The following SENP7 variants were observed in gnomAD, a reference collection of about 807,000 sequenced individuals.
The protein encoded by SENP7 is SUMO specific peptidase 7.
A neutral mutation model predicts 141.2 loss-of-function variants in SENP7; 64 were observed. The ratio of observed to expected loss-of-function variants is 0.45; its 90% CI spans 0.37 to 0.56. The LOEUF is 0.56. Among genes scored for constraint, SENP7 ranks in the 20% least tolerant of loss-of-function variants. The probability of loss-of-function intolerance (pLI) is 0.00; values close to 1 mark genes in which losing one functional copy is unlikely to be tolerated. For synonymous variants in SENP7, 382 were observed against 426.4 expected (o/e 0.90, Z 1.28); for missense variants, 1,025 against 1,212.2 (o/e 0.85, Z 2.29).
rs576036949 is a variant in SENP7, at chr3:101,482,679, C to T, written c.186+11194G>A. Among the ~76,000 whole-genome samples, 5 of 152,222 alleles carry T rather than the reference C, an allele frequency of 3.3e-5. No individual in the cohort carries two copies. The East Asian group carries it at 9.6e-4, about 29-fold the overall frequency. On this transcript the variant is annotated intron_variant, in intron 3 of 23. Coordinates refer to ENST00000394095, the MANE Select transcript of SENP7 (RefSeq NM_020654.5). ...AGACTTATTATAAAGCTACACTAAT[C>T]AAGAGAGTGTGGTATGGGTGAAAGA...
chr3:101,376,672 A>G (rs936394532), intron 6 of SENP7, among the ~76,000 whole-genome samples: 3 of 152,130 alleles, frequency 2.0e-5, no homozygotes, highest in Admixed American at 1.3e-4. Flanking sequence ...ATTAGGAGAT[A>G]CACCTAATGT....
intron 4 of SENP7, among the ~76,000 whole-genome samples, chr3:101,453,233 T>A (rs2063216374): frequency 6.6e-6 from 1 of 152,180 alleles, no homozygotes; most frequent in Admixed American, 6.5e-5. Context: ...CTGGAGAGAA[T>A]GTGGAGAAAC....
Position 101,366,422 on chromosome 3 carries a change from T to A in SENP7, c.1318+8A>T. The stretch of plus-strand genomic sequence containing the variant: ...ATTAAGTAACTTTATAATCCTCCTG[T>A]CACTTACTTGGTTCAGCTGAGATCA... On this transcript the variant is annotated splice_region_variant and intron_variant, in intron 9 of 23. Transcript: ENST00000394095. 9.1e-6 allele frequency: 14 copies of A among 1,537,908 alleles called. No homozygotes were observed. Among genetic ancestry groups the A allele is most frequent in the Non-Finnish European group, 1.2e-5 (14 of 1,134,468 alleles).
chr3:101,408,326 C>T (rs1052299789), intron 5 of SENP7, among the ~76,000 whole-genome samples: 7 of 152,102 alleles, frequency 4.6e-5, no homozygotes, highest in East Asian at 1.9e-4. Context: ...CAGGACCAGA[C>T]GGATTCACAG....
intron 5 of SENP7, among the ~76,000 whole-genome samples, chr3:101,408,727 G>A (rs10936609): frequency 0.4 from 60,399 of 151,854 alleles, 12,526 homozygotes; most frequent in Admixed American, 0.54. Context: ...AACAAAATCC[G>A]GCATCTCTTT....
chr3:101,390,341 CG>C (rs1292003454), intron 6 of SENP7, among the ~76,000 whole-genome samples: 2 of 120,450 alleles, frequency 1.7e-5, no homozygotes, highest in African/African-American at 6.1e-5. Context: ...ATACATTGAC[CG>C]AAAAAAAAAA....
At chr3:101,397,593 A>G (rs2061006742) in intron 6 of SENP7, among the ~76,000 whole-genome samples, 1 of 152,268 alleles carries the variant, frequency 6.6e-6, no homozygotes, top group African/African-American at 2.4e-5. Flanking sequence ...TTCACTAAGT[A>G]GAACCTAGGT....
At chr3:101,428,601 T>C (rs111611073) in intron 4 of SENP7, among the ~76,000 whole-genome samples, 1 of 152,226 alleles carries the variant, frequency 6.6e-6, no homozygotes, top group African/African-American at 2.4e-5. Flanking sequence ...ATATTAGCCC[T>C]TTGTCAGATG....
intron 3 of SENP7, among the ~76,000 whole-genome samples, chr3:101,461,827 A>G (rs1201099621): frequency 6.6e-6 from 1 of 152,226 alleles, no homozygotes; most frequent in African/African-American, 2.4e-5. Flanking sequence ...TTAGACCATA[A>G]AAAGAACTAA....
Position 101,493,996 on chromosome 3 carries a change from T to A in SENP7, c.91-28A>T, listed in dbSNP as rs61473551. ...GAAAATAGGATGAGAAAATAATTAG[T>A]TTAATTGAACTATATACAAGAGCTA... On this transcript the variant is annotated intron_variant, in intron 2 of 23. Transcript: ENST00000394095. 652 of 1,417,876 alleles carry A rather than the reference T, an allele frequency of 4.6e-4. 2 individuals are homozygous for A. In the African/African-American group the frequency reaches 7.9e-3, roughly 17 times the overall value. The allele number at this position is 1,417,876 out of a possible 1,614,324, so 87.8% of individuals were successfully genotyped here.
At position 101,503,688 on chromosome 3, in the gene SENP7, G is replaced by A. The variant is rs555265942; in HGVS notation, c.41-2569C>T. ...GGGCCAGGCATGGTGGCACATGCCTGTAATCCCAGCAGTTTGGGAGGCTGA... is the reference window on the plus strand; with the variant it reads ...GGGCCAGGCATGGTGGCACATGCCTATAATCCCAGCAGTTTGGGAGGCTGA... On this transcript the variant is annotated intron_variant, in intron 1 of 23. Coordinates refer to ENST00000394095, the MANE Select transcript of SENP7 (RefSeq NM_020654.5). Among the ~76,000 whole-genome samples, 4 of 152,356 alleles carry A rather than the reference G, an allele frequency of 2.6e-5. No individual in the cohort carries two copies. The East Asian group carries it at 7.7e-4, about 29-fold the overall frequency.
At chr3:101,475,843 C>T (rs755206173) in intron 3 of SENP7, among the ~76,000 whole-genome samples, 1 of 152,046 alleles carries the variant, frequency 6.6e-6, no homozygotes, top group Non-Finnish European at 1.5e-5. Context: ...TACAGGAGCA[C>T]TCAGATAAAT....
In SENP7 at chr3:101,331,083, A is replaced by C. The variant is rs552462688; in HGVS notation, c.2699-697T>G. 3.3e-5 allele frequency among the ~76,000 whole-genome samples: 5 copies of C among 151,476 alleles called. 1 individual carries two copies. Among genetic ancestry groups the C allele is most frequent in the African/African-American group, 1.2e-4 (5 of 41,366 alleles). On this transcript the variant is annotated intron_variant, in intron 19 of 23. Coordinates refer to ENST00000394095, the MANE Select transcript of SENP7 (RefSeq NM_020654.5). ...CAAGCATTGTCTGGAAATCAAAGGCATAAATTCCTAGTCATGTTAGCAAAC... is the reference window on the plus strand; with the variant it reads ...CAAGCATTGTCTGGAAATCAAAGGCCTAAATTCCTAGTCATGTTAGCAAAC...
intron 6 of SENP7, among the ~76,000 whole-genome samples, chr3:101,372,404 A>G (rs182304495): frequency 2.4e-4 from 37 of 152,300 alleles, no homozygotes; most frequent in Middle Eastern, 6.8e-3. Context: ...GAGTAATACT[A>G]TACAAGTATT....
intron 11 of SENP7, chr3:101,358,245 G>C (rs910858953): frequency 9.8e-7 from 1 of 1,016,276 alleles, no homozygotes; most frequent in African/African-American, 1.6e-5. Context: ...ACTCATACTA[G>C]AGAGAAACCT....
intron 5 of SENP7, among the ~76,000 whole-genome samples, chr3:101,407,787 G>A (rs557090364): frequency 1.5e-4 from 23 of 152,200 alleles, no homozygotes; most frequent in African/African-American, 2.9e-4. Context: ...CAGCAAAGGC[G>A]ATGCTAAGAG....
At chr3:101,468,733 G>A (rs549387548) in intron 3 of SENP7, among the ~76,000 whole-genome samples, 6 of 152,098 alleles carry the variant, frequency 3.9e-5, no homozygotes, top group South Asian at 2.1e-4. Flanking sequence ...AGAAACAACC[G>A]GTACCAACCA....
intron 3 of SENP7, among the ~76,000 whole-genome samples, chr3:101,484,938 C>T (rs985383126): frequency 7.9e-5 from 12 of 152,152 alleles, no homozygotes; most frequent in African/African-American, 2.4e-4. Context: ...GGACAGAGAC[C>T]GGCCCTTCAT....
chr3:101,374,382 A>T (rs566096446), intron 6 of SENP7, among the ~76,000 whole-genome samples: 1 of 152,338 alleles, frequency 6.6e-6, no homozygotes, highest in East Asian at 1.9e-4. Context: ...AATCTTTATG[A>T]CATTAGATTT....
Sources: allele counts gnomAD v4.1 joint callset (sites outside exome capture counted in the v4.1 genomes callset), GRCh38; gene constraint gnomAD v4.1.1; transcripts MANE v1.5; gene names NCBI Gene and HGNC (gene_info 2026-07-23, HGNC 2026-07-21).